The following AREG variants were observed in gnomAD, a reference collection of about 807,000 sequenced individuals.
The protein encoded by AREG is amphiregulin B.
Under a neutral mutation model 28.0 loss-of-function variants are expected in AREG, and 16 were observed. That is an observed-to-expected ratio of 0.57 (90% CI 0.39 to 0.87). The LOEUF (loss-of-function observed/expected upper bound fraction) is 0.87, where lower values mean the gene tolerates loss of function less well. AREG is among the 40% of genes least tolerant of loss of function. The pLI, the probability that AREG is intolerant of heterozygous loss-of-function variation, is 0.00. For synonymous variants in AREG, 113 were observed against 113.5 expected (o/e 1.00, Z 0.02); for missense variants, 287 against 309.1 (o/e 0.93, Z 0.53).
chr4:74,452,528 G>A lies in AREG; in HGVS notation c.666-16G>A, dbSNP rs1719396284. 8.1e-6 allele frequency: 13 copies of A among 1,613,220 alleles called. No homozygotes were observed. Among genetic ancestry groups the A allele is most frequent in the Non-Finnish European group, 1.1e-5 (13 of 1,179,548 alleles). On this transcript the variant is annotated splice_polypyrimidine_tract_variant and intron_variant, in intron 4 of 5. Coordinates refer to ENST00000395748, the MANE Select transcript of AREG (RefSeq NM_001657.4). Reference sequence around the variant, plus strand: ...AATAGAACCTTGATAACATTAGAATGCCTTGTTCTCTGAAGGCTTAGAAGA... The same window carrying A: ...AATAGAACCTTGATAACATTAGAATACCTTGTTCTCTGAAGGCTTAGAAGA...
chr4:74,446,849 G>T (rs1164826907), intron 2 of AREG, 67 bp downstream of exon 2: 18 of 1,612,578 alleles, frequency 1.1e-5, no homozygotes, highest in Admixed American at 6.7e-5. Context: ...AGCTGCTTCA[G>T]AAGTAAAGCT....
At chr4:74,449,837 T>A (rs1719352019) in intron 3 of AREG, among the ~76,000 whole-genome samples, 1 of 152,132 alleles carries the variant, frequency 6.6e-6, no homozygotes, top group African/African-American at 2.4e-5. Flanking sequence ...AATGGCTGGA[T>A]TTGATCCATG....
chr4:74,454,324 C>A (rs1383679864), intron 5 of AREG, among the ~76,000 whole-genome samples: 15 of 152,100 alleles, frequency 9.9e-5, no homozygotes, highest in African/African-American at 3.4e-4. Context: ...ATAGTGGGTG[C>A]CTATTAACTG....
At chr4:74,450,999 C>A (rs1474138498) in intron 4 of AREG, among the ~76,000 whole-genome samples, 1 of 152,160 alleles carries the variant, frequency 6.6e-6, no homozygotes, top group Non-Finnish European at 1.5e-5. Context: ...GTTTTCTGCT[C>A]ATATTAGAAT....
intron 3 of AREG, among the ~76,000 whole-genome samples, chr4:74,449,905 G>GCGCTCTCT (rs558402744): frequency 1.4e-5 from 2 of 145,520 alleles, no homozygotes; most frequent in African/African-American, 5.1e-5. Flanking sequence ...GCTCCTGCTT[G>GCGCTCTCT]CTCTCTCTCT....
intron 5 of AREG, among the ~76,000 whole-genome samples, chr4:74,453,378 C>A (rs1036248113): frequency 6.6e-6 from 1 of 151,984 alleles, no homozygotes. Context: ...CTTATATTTT[C>A]TTGTAAAGAG....
At chr4:74,454,529 C>A (rs2110413833) in intron 5 of AREG, among the ~76,000 whole-genome samples, 1 of 152,238 alleles carries the variant, frequency 6.6e-6, no homozygotes, top group South Asian at 2.1e-4. Flanking sequence ...ATGTGGACTT[C>A]TACTGAACTA....
chr4:74,450,918 G>A (rs1213096455), intron 4 of AREG, among the ~76,000 whole-genome samples: 1 of 152,120 alleles, frequency 6.6e-6, no homozygotes, highest in Non-Finnish European at 1.5e-5. Context: ...GAGGTTCGTA[G>A]TATCAGACAT....
At chr4:74,452,442 A>G (rs908635101) in intron 4 of AREG, 102 bp from the exon 5 acceptor site, 55 of 1,345,298 alleles carry the variant, frequency 4.1e-5, no homozygotes, top group Non-Finnish European at 5.4e-5. Context: ...TTGCTGGTCT[A>G]TCACTACTCA....
At chr4:74,453,232 G>A (rs1007001897) in intron 5 of AREG, among the ~76,000 whole-genome samples, 7 of 152,222 alleles carry the variant, frequency 4.6e-5, no homozygotes, top group African/African-American at 1.7e-4. Context: ...AGCTCACATG[G>A]TGGAGAGCCA....
intron 5 of AREG, 85 bp from the exon 6 acceptor site, chr4:74,454,674 A>G: frequency 1.7e-6 from 1 of 583,910 alleles, no homozygotes; most frequent in Non-Finnish European, 3.0e-6. Context: ...TATGCTTTAA[A>G]GTTTCTTAAA....
intron 4 of AREG, among the ~76,000 whole-genome samples, chr4:74,450,985 A>G (rs1163898979): frequency 4.6e-5 from 7 of 152,178 alleles, no homozygotes; most frequent in Non-Finnish European, 7.3e-5. Flanking sequence ...TAAAGAATAG[A>G]TATGTTTTCT....
chr4:74,449,168 T>C lies in AREG; in HGVS notation c.432T>C (p.Asn144=), dbSNP rs1719340587. 1 of 1,611,542 alleles carries C rather than the reference T, an allele frequency of 6.2e-7. No homozygotes were observed. The highest frequency in any genetic ancestry group is 1.3e-5 in the African/African-American group (1 of 74,154). The stretch of plus-strand genomic sequence containing the variant: ...ATAGAAGAAACAGAAAGAAGAAAAA[T>C]CCATGTAATGCAGAATTTCAAAATT... ...GKNRRNRKKK[N]PCNAEFQNFC... is the part of the protein sequence containing the mutation. The change falls in exon 3 of 6, where the codon AAT becomes AAC. Residue 144 remains asparagine (N), a synonymous_variant. Transcript: ENST00000395748.
At position 74,445,354 on chromosome 4, in the gene AREG, C is replaced by T. The variant is rs980568561; in HGVS notation, c.9C>T (p.Ala3=). 5 of 1,610,454 alleles carry T rather than the reference C, an allele frequency of 3.1e-6. No homozygotes were observed. Among genetic ancestry groups the T allele is most frequent in the Non-Finnish European group, 3.4e-6 (4 of 1,179,422 alleles). Residue 3 remains alanine, a synonymous_variant, in exon 1 of 6, where the codon GCC becomes GCT. Coordinates refer to ENST00000395748, the MANE Select transcript of AREG (RefSeq NM_001657.4). ...GCCGCTGCGAAGGACCAATGAGAGC[C>T]CCGCTGCTACCGCCGGCGCCGGTGG... is the stretch of plus-strand genomic sequence containing the variant. MR[A]PLLPPAPVVL... is the part of the protein sequence containing the mutation.
chr4:74,446,824 G>A, intron 2 of AREG, 42 bp downstream of exon 2: 1 of 1,613,778 alleles, frequency 6.2e-7, no homozygotes, highest in Non-Finnish European at 8.5e-7. Flanking sequence ...GTGAGATGTG[G>A]GTTTATATGA....
At chr4:74,451,783 G>C (rs1719386065) in intron 4 of AREG, among the ~76,000 whole-genome samples, 1 of 151,930 alleles carries the variant, frequency 6.6e-6, no homozygotes, top group Non-Finnish European at 1.5e-5. Context: ...TCATTTTTTG[G>C]GAAAGAATGG....
chr4:74,453,920 T>TA (rs530764462), intron 5 of AREG, among the ~76,000 whole-genome samples: 7,338 of 123,288 alleles, frequency 0.06, 710 homozygotes, highest in African/African-American at 0.2. Context: ...AACTCCATCT[T>TA]AAAAAAAAAA....
chr4:74,445,289 C>T lies in AREG; in HGVS notation c.-57C>T, dbSNP rs1367044315. The stretch of plus-strand genomic sequence containing the variant: ...ACACCCGCTCGTTTTGGCGGCAGCT[C>T]GTGTCCCAGAGACCGAGTTGCCCCA... On this transcript the variant is annotated 5_prime_UTR_variant, in exon 1 of 6. Transcript: ENST00000395748. 1.6e-5 allele frequency: 25 copies of T among 1,587,476 alleles called. No homozygotes were observed. Among genetic ancestry groups the T allele is most frequent in the Non-Finnish European group, 2.0e-5 (23 of 1,169,184 alleles).
intron 5 of AREG, among the ~76,000 whole-genome samples, chr4:74,453,814 G>T (rs911187803): frequency 6.6e-6 from 1 of 151,870 alleles, no homozygotes; most frequent in Non-Finnish European, 1.5e-5. Flanking sequence ...CCAGCTACTT[G>T]AGAGGCTGAG....
Sources: allele counts gnomAD v4.1 joint callset (sites outside exome capture counted in the v4.1 genomes callset), GRCh38; gene constraint gnomAD v4.1.1; transcripts MANE v1.5; gene names NCBI Gene and HGNC (gene_info 2026-07-23, HGNC 2026-07-21).